TRIM54: variants seen among roughly 807,000 people sequenced by gnomAD.
TRIM54 encodes the protein tripartite motif-containing protein 54.
In TRIM54, 40 loss-of-function variants were observed where a neutral mutation model predicts 42.0. The observed-to-expected ratio is 0.95, with a 90% CI of 0.74 to 1.24. The LOEUF is 1.24. Ranked by LOEUF, TRIM54 falls within the 50% of genes most tolerant of loss-of-function variation. The pLI, the probability that TRIM54 is intolerant of heterozygous loss-of-function variation, is 0.00. For missense variants in TRIM54, 485 were observed against 480.3 expected (o/e 1.01, Z -0.09); for synonymous variants, 199 against 194.9 (o/e 1.02, Z -0.17).
At chr2:27,286,487 G>A (rs1558582265) in intron 1 of TRIM54, among the ~76,000 whole-genome samples, 1 of 152,120 alleles carries the variant, frequency 6.6e-6, no homozygotes, top group Admixed American at 6.6e-5. Flanking sequence ...TCCACTAAAG[G>A]AAAGCTGTTG....
Position 27,307,114 on chromosome 2 carries a change from G to T in TRIM54, c.*229G>T. On this transcript the variant is annotated 3_prime_UTR_variant, in exon 9 of 9. Coordinates refer to ENST00000380075, the MANE Select transcript of TRIM54 (RefSeq NM_187841.3). The surrounding 1 kb of genome is among the most constrained non-coding windows in gnomAD (Gnocchi z 6.9). ...CAGAACCTGAGACCGTCTGGGGGGC[G>T]GAAGCCAAATGAACCCCTATTGGGC... 1 of 247,760 alleles carries T rather than the reference G, an allele frequency of 4.0e-6. No individual in the cohort carries two copies. Among genetic ancestry groups the T allele is most frequent in the Non-Finnish European group, 7.8e-6 (1 of 127,558 alleles). The allele number at this position is 247,760 out of a possible 1,614,324, so 15.3% of individuals were successfully genotyped here. A position where few individuals can be genotyped will look rare whatever the true frequency, so the allele number is the denominator to read the frequency against.
At chr2:27,293,776 C>G (rs1354918530) in intron 1 of TRIM54, among the ~76,000 whole-genome samples, 1 of 152,142 alleles carries the variant, frequency 6.6e-6, no homozygotes, top group Non-Finnish European at 1.5e-5. Flanking sequence ...AATCCCAGCA[C>G]TTTGGGAGGC....
At chr2:27,291,024 C>T (rs946220260) in intron 1 of TRIM54, among the ~76,000 whole-genome samples, 2 of 152,174 alleles carry the variant, frequency 1.3e-5, no homozygotes, top group Admixed American at 6.5e-5. Flanking sequence ...TAGCTGTGTA[C>T]TACCTGTACT....
Position 27,291,362 on chromosome 2 carries a change from A to AAAAC in TRIM54, c.169-7193_169-7190dup, listed in dbSNP as rs201511991. ...AGGAGTGAAACCCTGTCGCAAAACAAAAACAAACAAACAAAAAATGACTTT... is the reference window on the plus strand; with the variant it reads ...AGGAGTGAAACCCTGTCGCAAAACAAAAACAAACAAACAAACAAAAAATGACTTT... On this transcript the variant is annotated intron_variant, in intron 1 of 8. Transcript: ENST00000380075. 8.0e-3 allele frequency among the ~76,000 whole-genome samples: 1,212 copies of AAAAC among 152,324 alleles called. 18 individuals are homozygous for AAAAC. Among genetic ancestry groups the AAAAC allele is most frequent in the African/African-American group, 0.028 (1,156 of 41,564 alleles).
intron 1 of TRIM54, among the ~76,000 whole-genome samples, chr2:27,296,988 A>G (rs569838121): frequency 6.6e-6 from 1 of 152,130 alleles, no homozygotes; most frequent in Non-Finnish European, 1.5e-5. Flanking sequence ...CAAACTCCTG[A>G]GCTCAAGTGA....
At chr2:27,285,856 A>G (rs1558581910) in intron 1 of TRIM54, among the ~76,000 whole-genome samples, 1 of 152,208 alleles carries the variant, frequency 6.6e-6, no homozygotes, top group Non-Finnish European at 1.5e-5. Flanking sequence ...ATGGACAACA[A>G]ACAAGAGTTT....
intron 1 of TRIM54, among the ~76,000 whole-genome samples, chr2:27,295,626 T>C (rs973807648): frequency 6.6e-5 from 10 of 152,152 alleles, no homozygotes; most frequent in Admixed American, 2.0e-4. Flanking sequence ...TGTTGAATGT[T>C]AAGTAATGAG....
intron 1 of TRIM54, among the ~76,000 whole-genome samples, chr2:27,283,764 G>GCACACACGCGCGCGCGCGCGCA (rs1558580798): frequency 8.5e-6 from 1 of 117,866 alleles, no homozygotes. Flanking sequence ...AGGGGCAAAG[G>GCACACACGCGCGCGCGCGCGCA]CACACACACA....
At chr2:27,304,696 C>T (rs886912873) in intron 3 of TRIM54, 2 of 408,398 alleles carry the variant, frequency 4.9e-6, no homozygotes, top group Non-Finnish European at 8.9e-6. Context: ...AGTATCTAGC[C>T]CAGTGTCTGG....
rs899386802 is a variant in TRIM54 at position 27,306,901 on chromosome 2, G to A, written c.*16G>A. 2.3e-5 allele frequency: 8 copies of A among 345,176 alleles called. No homozygotes were observed. Among genetic ancestry groups the A allele is most frequent in the Admixed American group, 1.4e-4 (3 of 21,958 alleles). The allele number at this position is 345,176 out of a possible 1,614,324, so 21.4% of individuals were successfully genotyped here. A position where few individuals can be genotyped will look rare whatever the true frequency, so the allele number is the denominator to read the frequency against. On this transcript the variant is annotated 3_prime_UTR_variant, in exon 9 of 9. Transcript: ENST00000380075. This position sits in a 1 kb window ranked among gnomAD's most constrained non-coding sequence, Gnocchi z 6.1. ...CCCGGGCACAGGCCTGCGCCGACCC[G>A]ACCCTGCTCGAGAGCCCGCGCTAGA...
chr2:27,299,126 A>G (rs1316837456), intron 2 of TRIM54, 119 bp from the exon 3 acceptor site: 1 of 1,163,290 alleles, frequency 8.6e-7, no homozygotes, highest in Non-Finnish European at 1.2e-6. Context: ...TCACCAGTTC[A>G]GCCACAGCAC....
chr2:27,282,664 A>T lies in TRIM54; in HGVS notation c.-68A>T. 1 of 1,507,704 alleles carries T rather than the reference A, an allele frequency of 6.6e-7. No individual in the cohort carries two copies. The highest frequency in any genetic ancestry group is 8.9e-7 in the Non-Finnish European group (1 of 1,125,544). The allele number at this position is 1,507,704 out of a possible 1,614,324, so 93.4% of individuals were successfully genotyped here. A position where few individuals can be genotyped will look rare whatever the true frequency, so the allele number is the denominator to read the frequency against. On this transcript the variant is annotated 5_prime_UTR_variant, in exon 1 of 9. Transcript: ENST00000380075. ...AGGGAATCCAGAGGCCATCTAAGCG[A>T]GGAAGGGTCTACAGGCAGTGAGTGA...
chr2:27,307,403 T>C lies in TRIM54; in HGVS notation c.*518T>C. Reference sequence around the variant, plus strand: ...TGCCTCTACGACAAAAGCCAACGGGTCTTCAGTACTTTTATTAAAAAATAG... The same window carrying C: ...TGCCTCTACGACAAAAGCCAACGGGCCTTCAGTACTTTTATTAAAAAATAG... On this transcript the variant is annotated 3_prime_UTR_variant, in exon 9 of 9. Coordinates refer to ENST00000380075, the MANE Select transcript of TRIM54 (RefSeq NM_187841.3). The surrounding 1 kb of genome is among the most constrained non-coding windows in gnomAD (Gnocchi z 6.9). 7 of 1,458,022 alleles carry C rather than the reference T, an allele frequency of 4.8e-6. No homozygotes were observed. The South Asian group carries it at 9.5e-5, about 20-fold the overall frequency. The allele number at this position is 1,458,022 out of a possible 1,614,324, so 90.3% of individuals were successfully genotyped here.
At chr2:27,291,886 C>T (rs139647350) in intron 1 of TRIM54, among the ~76,000 whole-genome samples, 324 of 152,234 alleles carry the variant, frequency 2.1e-3, no homozygotes, top group African/African-American at 6.2e-3. Flanking sequence ...GAAAGCTACA[C>T]GCAAAATACG....
In TRIM54 at chr2:27,298,698, A is replaced by G; in HGVS notation, c.300A>G (p.Leu100=). The G allele has an allele frequency of 6.2e-7, 1 of 1,614,160 alleles. No individual in the cohort carries two copies. The highest frequency in any genetic ancestry group is 8.5e-7 in the Non-Finnish European group (1 of 1,180,000). The change falls in exon 2 of 9, where the codon CTA becomes CTG. Residue 100 remains leucine (L), a synonymous_variant. Coordinates refer to ENST00000380075, the MANE Select transcript of TRIM54 (RefSeq NM_187841.3). ...HGVYGLQRNL[L]VENIIDIYKQ... Reference sequence around the variant, plus strand: ...TCTACGGCCTGCAGCGAAACCTGCTAGTGGAGAACATTATCGACATTTACA... The same window carrying G: ...TCTACGGCCTGCAGCGAAACCTGCTGGTGGAGAACATTATCGACATTTACA...
intron 1 of TRIM54, among the ~76,000 whole-genome samples, chr2:27,291,572 AAC>A (rs144871760): frequency 0.02 from 3,004 of 152,304 alleles, 104 homozygotes; most frequent in African/African-American, 0.068. Flanking sequence ...TATTTTGGGA[AAC>A]ACAATGAGGG....
chr2:27,299,593 C>G (rs2148199462), intron 3 of TRIM54, 177 bp downstream of exon 3: 1 of 1,381,036 alleles, frequency 7.2e-7, no homozygotes, highest in Non-Finnish European at 9.9e-7. Context: ...TTACTGCAGC[C>G]TTGATCTCCC....
In TRIM54 at chr2:27,283,766, A is replaced by ACACACGCACGCGCGCGCGCGCG. The variant is rs1164806717; in HGVS notation, c.168+872_168+873insGCACGCGCGCGCGCGCGCACAC. On this transcript the variant is annotated intron_variant, in intron 1 of 8. Coordinates refer to ENST00000380075, the MANE Select transcript of TRIM54 (RefSeq NM_187841.3). ...ATCAGGGAGAGTGAGGGGCAAAGGC[A>ACACACGCACGCGCGCGCGCGCG]CACACACACACACGCGCGCACACAC... 3.3e-3 allele frequency among the ~76,000 whole-genome samples: 292 copies of ACACACGCACGCGCGCGCGCGCG among 88,658 alleles called. 2 individuals are homozygous for ACACACGCACGCGCGCGCGCGCG. Among genetic ancestry groups the ACACACGCACGCGCGCGCGCGCG allele is most frequent in the Non-Finnish European group, 4.3e-3 (203 of 47,762 alleles). 58.2% of individuals were successfully genotyped at this position (88,658 alleles called of 152,430 possible). A position where few individuals can be genotyped will look rare whatever the true frequency, so the allele number is the denominator to read the frequency against.
At chr2:27,291,182 T>A (rs949765943) in intron 1 of TRIM54, among the ~76,000 whole-genome samples, 2 of 152,112 alleles carry the variant, frequency 1.3e-5, no homozygotes, top group Non-Finnish European at 2.9e-5. Context: ...GGTGAAACCC[T>A]GTCTCTACTA....
Sources: allele counts gnomAD v4.1 joint callset (sites outside exome capture counted in the v4.1 genomes callset), GRCh38; gene constraint gnomAD v4.1.1; non-coding constraint Gnocchi (gnomAD v3.1); transcripts MANE v1.5; gene names NCBI Gene and HGNC (gene_info 2026-07-23, HGNC 2026-07-21).